Variants in MLKL observed in about 807,000 individuals in gnomAD.
MLKL encodes the protein mixed lineage kinase domain like pseudokinase.
MLKL carries 55 observed loss-of-function variants against 56.5 expected under a neutral mutation model. That is an observed-to-expected ratio of 0.97 (90% CI 0.78 to 1.22). The LOEUF (loss-of-function observed/expected upper bound fraction) is 1.22. Ranked by LOEUF, MLKL falls within the 50% of genes most tolerant of loss-of-function variation. The pLI is 0.00. For synonymous variants in MLKL, 251 were observed against 208.3 expected (o/e 1.20, Z -1.76); for missense variants, 694 against 573.9 (o/e 1.21, Z -2.14).
At chr16:74,675,544 G>T in intron 8 of MLKL, 69 bp downstream of exon 8, 8 of 1,577,442 alleles carry the variant, frequency 5.1e-6, no homozygotes, top group Non-Finnish European at 6.9e-6. Flanking sequence ...GTGGTCCTTG[G>T]AGGAGTTTGA....
At position 74,673,688 on chromosome 16, in the gene MLKL, A is replaced by C. The variant is rs141622981; in HGVS notation, c.1382-1150T>G. Among the ~76,000 whole-genome samples the C allele has an allele frequency of 4.5e-3, 682 of 152,246 alleles. 6 individuals carry two copies. Among genetic ancestry groups the C allele is most frequent in the Middle Eastern group, 6.8e-3 (2 of 294 alleles). ...GGAAATAATCCCAAGGATGCTGAAAAAAGGAAGGAAGGCAGACAAGGAGGG... is the reference window on the plus strand; with the variant it reads ...GGAAATAATCCCAAGGATGCTGAAACAAGGAAGGAAGGCAGACAAGGAGGG... On this transcript the variant is annotated intron_variant, in intron 10 of 10. Transcript: ENST00000308807.
chr16:74,690,286 T>C (rs1344431407), intron 4 of MLKL, among the ~76,000 whole-genome samples: 2 of 152,144 alleles, frequency 1.3e-5, no homozygotes, highest in African/African-American at 4.8e-5. Flanking sequence ...GTTGGTGAGG[T>C]TGCTTGTGGG....
At chr16:74,686,308 C>T (rs374622925) in intron 4 of MLKL, among the ~76,000 whole-genome samples, 35 of 151,100 alleles carry the variant, frequency 2.3e-4, no homozygotes, top group Non-Finnish European at 2.9e-4. Context: ...CTAGGCCGGG[C>T]GTGGTGGCTC....
chr16:74,697,154 T>C (rs571087523), intron 1 of MLKL, among the ~76,000 whole-genome samples: 2 of 151,976 alleles, frequency 1.3e-5, no homozygotes, highest in South Asian at 4.1e-4. Context: ...AGGTTGAGGC[T>C]GCAGTGCCAG....
chr16:74,691,234 G>T, intron 4 of MLKL, 43 bp downstream of exon 4: 2 of 1,527,160 alleles, frequency 1.3e-6, no homozygotes, highest in Non-Finnish European at 8.9e-7. Flanking sequence ...GAGAGTTAGA[G>T]TAAGTATTGG....
In MLKL at chr16:74,675,527, A is replaced by C. The variant is rs1302166115; in HGVS notation, c.1190+86T>G. 2.5e-6 allele frequency: 4 copies of C among 1,570,054 alleles called. No individual in the cohort carries two copies. In the African/African-American group the frequency reaches 5.4e-5, roughly 21 times the overall value. ...TACCCAATTTCATTCAACAGAGTTG[A>C]GTTTAGGTGGTCCTTGGAGGAGTTT... On this transcript the variant is annotated intron_variant, in intron 8 of 10. Coordinates refer to ENST00000308807, the MANE Select transcript of MLKL (RefSeq NM_152649.4).
chr16:74,693,909 G>C (rs985834454), intron 2 of MLKL, among the ~76,000 whole-genome samples: 2 of 152,108 alleles, frequency 1.3e-5, no homozygotes, highest in African/African-American at 4.8e-5. Flanking sequence ...GGCCGAAATG[G>C]TAAATTTTAT....
At chr16:74,697,322 T>C (rs1961104246) in intron 1 of MLKL, among the ~76,000 whole-genome samples, 1 of 152,140 alleles carries the variant, frequency 6.6e-6, no homozygotes, top group Non-Finnish European at 1.5e-5. Context: ...TGGTTTGAAC[T>C]GACATGAAGT....
At chr16:74,689,186 C>T (rs1483093920) in intron 4 of MLKL, among the ~76,000 whole-genome samples, 1 of 151,282 alleles carries the variant, frequency 6.6e-6, no homozygotes, top group Non-Finnish European at 1.5e-5. Context: ...ACGATCTCAG[C>T]TCACTGCAAC....
intron 4 of MLKL, among the ~76,000 whole-genome samples, chr16:74,687,062 G>C (rs7197388): frequency 6.6e-6 from 1 of 151,784 alleles, no homozygotes; most frequent in African/African-American, 2.4e-5. Context: ...TGCAACCTCT[G>C]CCTCCTGGGT....
intron 7 of MLKL, chr16:74,676,541 C>T (rs1452691041): frequency 2.2e-6 from 2 of 900,428 alleles, no homozygotes; most frequent in Non-Finnish European, 2.7e-6. Context: ...TTACATCTAG[C>T]GCCGTATGGG....
intron 6 of MLKL, among the ~76,000 whole-genome samples, chr16:74,680,538 G>A (rs8050743): frequency 0.04 from 6,073 of 151,610 alleles, 419 homozygotes; most frequent in African/African-American, 0.14. Flanking sequence ...ACGGAGTCTC[G>A]CTCTGTCGCC....
rs1186907222 is a variant in MLKL at position 74,692,431 on chromosome 16, G to A, written c.461-15C>T. Reference sequence around the variant, plus strand: ...TTTTTCATTATCTGCAGGAAAAAAGGGCAGTATATGCTCAAAATAGATATT... The same window carrying A: ...TTTTTCATTATCTGCAGGAAAAAAGAGCAGTATATGCTCAAAATAGATATT... On this transcript the variant is annotated splice_polypyrimidine_tract_variant and intron_variant, in intron 2 of 10. Coordinates refer to ENST00000308807, the MANE Select transcript of MLKL (RefSeq NM_152649.4). 1 of 1,601,040 alleles carries A rather than the reference G, an allele frequency of 6.2e-7. No individual in the cohort carries two copies. Among genetic ancestry groups the A allele is most frequent in the Non-Finnish European group, 8.5e-7 (1 of 1,170,034 alleles).
chr16:74,684,006 G>A (rs573014455), intron 5 of MLKL, among the ~76,000 whole-genome samples: 3 of 152,078 alleles, frequency 2.0e-5, no homozygotes, highest in Non-Finnish European at 4.4e-5. Flanking sequence ...GGAGTGCAGT[G>A]GCATGATATT....
At chr16:74,694,133 T>C (rs1018257470) in intron 2 of MLKL, among the ~76,000 whole-genome samples, 9 of 152,186 alleles carry the variant, frequency 5.9e-5, no homozygotes, top group Admixed American at 4.6e-4. Flanking sequence ...AACAATGTGC[T>C]TGGCATGATG....
In MLKL at chr16:74,695,412, G is replaced by A. The variant is rs1180293947; in HGVS notation, c.346C>T (p.Leu116Phe). The A allele has an allele frequency of 6.2e-7, 1 of 1,614,230 alleles. No homozygotes were observed. Among genetic ancestry groups the A allele is most frequent in the East Asian group, 2.2e-5 (1 of 44,882 alleles). ...ACAGGCATGCGTTGCTCAACCTGAA[G>A]TAACAGCGAGAGCTCCTTCCAGACA... ...SDVWKELSLL[L>F]QVEQRMPVSP... The change falls in exon 2 of 11, where the codon CTT (leucine) becomes TTT (phenylalanine). Residue 116 changes from leucine to phenylalanine, a missense_variant. Leu to Phe is a conservative substitution (Grantham distance 22). Coordinates refer to ENST00000308807, the MANE Select transcript of MLKL (RefSeq NM_152649.4).
rs374496551 is a variant in MLKL at position 74,673,872 on chromosome 16, T to C, written c.1381+1088A>G. 1.3e-4 allele frequency among the ~76,000 whole-genome samples: 19 copies of C among 151,078 alleles called. No individual in the cohort carries two copies. In the East Asian group the frequency reaches 2.9e-3, roughly 23 times the overall value. On this transcript the variant is annotated intron_variant, in intron 10 of 10. Transcript: ENST00000308807. ...AGGAGGATCACTTGAGCCCAGGAGT[T>C]TGAGGCTATAGAGTGCCATGATCCT...
intron 7 of MLKL, chr16:74,677,220 T>C (rs1424402910): frequency 6.6e-6 from 1 of 151,610 alleles, no homozygotes; most frequent in East Asian, 2.0e-4. Context: ...GCCTGGCCAA[T>C]TTTTTGTATT....
intron 10 of MLKL, among the ~76,000 whole-genome samples, chr16:74,673,953 A>T (rs957489631): frequency 7.3e-4 from 4 of 5,494 alleles, no homozygotes; most frequent in Non-Finnish European, 2.3e-3. Flanking sequence ...CCTCCTCTCT[A>T]AAAAAAAAAA....
Sources: gnomAD v4.1 joint callset for allele counts (sites outside exome capture counted in the v4.1 genomes callset) on GRCh38, gnomAD v4.1.1 for gene constraint, MANE v1.5 for transcripts, NCBI Gene and HGNC (gene_info 2026-07-23, HGNC 2026-07-21) for gene names.